Variants in HK1 observed in about 807,000 individuals in gnomAD.
HK1 encodes the protein hexokinase-1.
Under a neutral mutation model 91.6 loss-of-function variants are expected in HK1, and 28 were observed. The observed-to-expected ratio is 0.31, with a 90% CI of 0.23 to 0.42. The LOEUF (loss-of-function observed/expected upper bound fraction) is 0.42. Among genes scored for constraint, HK1 ranks in the 10% least tolerant of loss-of-function variants. The pLI, the probability that HK1 is intolerant of heterozygous loss-of-function variation, is 1.00. For synonymous variants in HK1, 430 were observed against 468.1 expected (o/e 0.92, Z 1.05); for missense variants, 770 against 1,219.8 (o/e 0.63, Z 5.49).
intron 5 of HK1, among the ~76,000 whole-genome samples, chr10:69,304,148 A>T (rs1845998432): frequency 6.6e-6 from 1 of 151,778 alleles, no homozygotes. Flanking sequence ...CAGCTGCATG[A>T]CTCCTAAACC....
intron 4 of HK1, among the ~76,000 whole-genome samples, chr10:69,367,625 A>C (rs1428950712): frequency 6.6e-6 from 1 of 152,004 alleles, no homozygotes; most frequent in African/African-American, 2.4e-5. Context: ...TCCCTGGTGC[A>C]TACTCCAGTC....
At chr10:69,370,987 T>G (rs982626649) in intron 7 of HK1, among the ~76,000 whole-genome samples, 1 of 152,026 alleles carries the variant, frequency 6.6e-6, no homozygotes, top group Non-Finnish European at 1.5e-5. Context: ...TACAGAGAGA[T>G]GTTCACTGAC....
At chr10:69,384,553 A>C (rs1034149302) in intron 11 of HK1, 72 bp downstream of exon 11, 8 of 1,589,240 alleles carry the variant, frequency 5.0e-6, no homozygotes, top group Non-Finnish European at 6.0e-6. Context: ...CGTGATGACC[A>C]AAATCCGCCA....
chr10:69,352,274 T>A (rs1392078001), intron 2 of HK1, among the ~76,000 whole-genome samples: 1 of 152,162 alleles, frequency 6.6e-6, no homozygotes, highest in Non-Finnish European at 1.5e-5. Flanking sequence ...ATTACAAGCA[T>A]GAGCCACTGC....
At chr10:69,316,452 G>A (rs1163969997), upstream of HK1, among the ~76,000 whole-genome samples, 1 of 152,272 alleles carries the variant, frequency 6.6e-6, no homozygotes, top group African/African-American at 2.4e-5. Flanking sequence ...TGGACTGGGA[G>A]TTGGGAGGTG....
At chr10:69,347,786 T>A (rs1848645571) in intron 2 of HK1, among the ~76,000 whole-genome samples, 2 of 152,140 alleles carry the variant, frequency 1.3e-5, no homozygotes, top group East Asian at 3.8e-4. Flanking sequence ...GATTCTTCAG[T>A]CTTCTTTTCT....
Position 69,326,919 on chromosome 10 carries a change from T to C in HK1, c.63+7909T>C, listed in dbSNP as rs573272100. On this transcript the variant is annotated intron_variant, in intron 1 of 17. Transcript: ENST00000359426. ...AGTATATGGTATTGCTTTATAGATA[T>C]ATGGTTTTGATCTTTTGTAAATGGT... Among the ~76,000 whole-genome samples, 28 of 152,264 alleles carry C rather than the reference T, an allele frequency of 1.8e-4. No homozygotes were observed. In the East Asian group the frequency reaches 3.5e-3, roughly 19 times the overall value.
In HK1 at chr10:69,376,979, A is replaced by G; in HGVS notation, c.921A>G (p.Arg307=). 2 of 1,614,146 alleles carry G rather than the reference A, an allele frequency of 1.2e-6. No individual in the cohort carries two copies. Among genetic ancestry groups the G allele is most frequent in the Non-Finnish European group, 1.7e-6 (2 of 1,180,028 alleles). The change falls in exon 8 of 18, where the codon CGA becomes CGG. Residue 307 remains arginine (R), a synonymous_variant. Transcript: ENST00000359426. ...VSGMYLGELV[R]LILVKMAKEG... ...GCATGTACTTGGGAGAGCTGGTTCGACTGATCCTAGTCAAGATGGCCAAGG... is the reference window on the plus strand; with the variant it reads ...GCATGTACTTGGGAGAGCTGGTTCGGCTGATCCTAGTCAAGATGGCCAAGG...
At chr10:69,279,110 C>T (rs1016493764) in intron 1 of HK1, among the ~76,000 whole-genome samples, 43 of 152,156 alleles carry the variant, frequency 2.8e-4, no homozygotes, top group African/African-American at 7.2e-5. Flanking sequence ...GGGCTGATGT[C>T]GTCTCCTTAT....
chr10:69,349,528 C>A (rs554724818), intron 2 of HK1, among the ~76,000 whole-genome samples: 1 of 152,188 alleles, frequency 6.6e-6, no homozygotes, highest in Non-Finnish European at 1.5e-5. Context: ...CGAGCCCCTG[C>A]AGGAAGGATG....
upstream of HK1, chr10:69,315,807 G>A: frequency 1.3e-6 from 1 of 774,298 alleles, no homozygotes; most frequent in Non-Finnish European, 2.3e-6. Context: ...AGGGGTTGGG[G>A]GTGGGATGGA....
intron 1 of HK1, among the ~76,000 whole-genome samples, chr10:69,323,904 C>G (rs1564512198): frequency 6.6e-6 from 1 of 152,170 alleles, no homozygotes; most frequent in Non-Finnish European, 1.5e-5. Context: ...TCCTGGCAGA[C>G]AGATTTAGCC....
intron 13 of HK1, among the ~76,000 whole-genome samples, chr10:69,387,077 A>G (rs1564564448): frequency 6.6e-6 from 1 of 152,116 alleles, no homozygotes; most frequent in South Asian, 2.1e-4. Flanking sequence ...AGAGTCCACA[A>G]ACAATTGCAG....
intron 3 of HK1, among the ~76,000 whole-genome samples, chr10:69,363,387 A>T (rs1407799288): frequency 6.6e-6 from 1 of 152,148 alleles, no homozygotes; most frequent in African/African-American, 2.4e-5. Flanking sequence ...TTCTGTTCTG[A>T]TTATATTTTG....
rs946363024 is a variant in HK1 at position 69,299,705 on chromosome 10, G to C, written c.-66-1064G>C. 9.6e-5 allele frequency among the ~76,000 whole-genome samples: 14 copies of C among 146,236 alleles called. 1 individual carries two copies. The highest frequency in any genetic ancestry group is 3.6e-4 in the African/African-American group (14 of 39,012). On this transcript the variant is annotated intron_variant, in intron 4 of 21. Transcript: ENST00000360289. ...GAGATGGAGTCTCACTCTGTTGCCT[G>C]GGCTGGAGTGCAGTGGCGCAATCTC...
At chr10:69,332,759 A>G (rs1847801037) in intron 1 of HK1, among the ~76,000 whole-genome samples, 1 of 152,100 alleles carries the variant, frequency 6.6e-6, no homozygotes, top group African/African-American at 2.4e-5. Context: ...AGAATGGACG[A>G]GGAAATACTT....
chr10:69,276,913 G>A (rs1844506190), intron 1 of HK1, among the ~76,000 whole-genome samples: 1 of 151,714 alleles, frequency 6.6e-6, no homozygotes, highest in Non-Finnish European at 1.5e-5. Context: ...AAGTATTTCA[G>A]CATGCTTTTA....
intron 7 of HK1, among the ~76,000 whole-genome samples, chr10:69,375,802 A>G (rs527962003): frequency 1.3e-5 from 2 of 152,122 alleles, no homozygotes; most frequent in Non-Finnish European, 2.9e-5. Context: ...TCTGGCTCAC[A>G]TATGGCATCG....
At chr10:69,351,615 G>A (rs1332462965) in intron 2 of HK1, among the ~76,000 whole-genome samples, 1 of 152,174 alleles carries the variant, frequency 6.6e-6, no homozygotes, top group Non-Finnish European at 1.5e-5. Context: ...TTCCTGATGT[G>A]CTGAAGTCTC....
Sources: allele counts gnomAD v4.1 joint callset (sites outside exome capture counted in the v4.1 genomes callset), GRCh38; gene constraint gnomAD v4.1.1; transcripts MANE v1.5; gene names NCBI Gene and HGNC (gene_info 2026-07-23, HGNC 2026-07-21).